Variants in PLCL1 observed in about 807,000 individuals in gnomAD.
PLCL1 encodes inactive phospholipase C-like protein 1.
A neutral mutation model predicts 84.4 loss-of-function variants in PLCL1; 41 were observed. The observed-to-expected ratio is 0.49, with a 90% CI of 0.38 to 0.63. PLCL1 has a LOEUF of 0.63. PLCL1 is among the 30% of genes least tolerant of loss of function. The pLI, the probability that PLCL1 is intolerant of heterozygous loss-of-function variation, is 0.00. For synonymous variants in PLCL1, 490 were observed against 488.3 expected (o/e 1.00, Z -0.05); for missense variants, 1,206 against 1,367.8 (o/e 0.88, Z 1.87).
At chr2:197,845,047 G>A (rs1447458725) in intron 1 of PLCL1, among the ~76,000 whole-genome samples, 1 of 152,106 alleles carries the variant, frequency 6.6e-6, no homozygotes, top group East Asian at 1.9e-4. Flanking sequence ...TTTTGGTGCT[G>A]TGTGTATAGG....
chr2:198,012,853 A>T (rs1487475462), intron 1 of PLCL1, among the ~76,000 whole-genome samples: 2 of 152,000 alleles, frequency 1.3e-5, no homozygotes, highest in African/African-American at 2.4e-5. Flanking sequence ...CATACCTTAC[A>T]TATATTCTAT....
At chr2:198,123,972 T>C (rs1407959775) in intron 5 of PLCL1, among the ~76,000 whole-genome samples, 1 of 152,098 alleles carries the variant, frequency 6.6e-6, no homozygotes, top group Non-Finnish European at 1.5e-5. Context: ...GACCCTGGCT[T>C]AAGCCACCCT....
intron 1 of PLCL1, among the ~76,000 whole-genome samples, chr2:198,077,647 C>T (rs565447200): frequency 2.6e-5 from 4 of 152,224 alleles, no homozygotes; most frequent in South Asian, 2.1e-4. Flanking sequence ...TATCCCTTTA[C>T]GGGTATAACT....
At chr2:198,143,483 CA>C (rs1226907220) in intron 5 of PLCL1, among the ~76,000 whole-genome samples, 8 of 152,056 alleles carry the variant, frequency 5.3e-5, no homozygotes, top group Non-Finnish European at 1.2e-4. Context: ...ATACACAGGA[CA>C]AAGACGTTTA....
At chr2:197,978,805 G>A (rs1220953599) in intron 1 of PLCL1, among the ~76,000 whole-genome samples, 2 of 152,180 alleles carry the variant, frequency 1.3e-5, no homozygotes, top group Admixed American at 6.5e-5. Flanking sequence ...CACTCACTCA[G>A]ACTGGCACCA....
chr2:197,889,444 A>AG (rs763507761), intron 1 of PLCL1, among the ~76,000 whole-genome samples: 23 of 152,304 alleles, frequency 1.5e-4, no homozygotes, highest in Non-Finnish European at 3.1e-4. Context: ...CCAAAAAAAA[A>AG]CAGGCTTTAA....
intron 1 of PLCL1, among the ~76,000 whole-genome samples, chr2:197,880,876 G>A (rs1022967319): frequency 1.2e-4 from 19 of 152,176 alleles, no homozygotes; most frequent in Admixed American, 5.2e-4. Context: ...ATTAGTGCCT[G>A]ACAATTTGCT....
chr2:197,975,800 C>T (rs374529840), intron 1 of PLCL1, among the ~76,000 whole-genome samples: 21 of 151,994 alleles, frequency 1.4e-4, no homozygotes, highest in African/African-American at 2.2e-4. Flanking sequence ...GGTAACACAG[C>T]GAGGCTCTTT....
chr2:198,026,118 T>C (rs1287273542), intron 1 of PLCL1, among the ~76,000 whole-genome samples: 1 of 152,208 alleles, frequency 6.6e-6, no homozygotes, highest in Non-Finnish European at 1.5e-5. Flanking sequence ...TGGTGGTGTA[T>C]GCATTGGTCT....
intron 1 of PLCL1, among the ~76,000 whole-genome samples, chr2:197,878,157 A>C (rs1383547306): frequency 6.6e-6 from 1 of 152,200 alleles, no homozygotes; most frequent in South Asian, 2.1e-4. Context: ...GTTGAGATGC[A>C]AAACTTTTAT....
chr2:197,927,769 A>C (rs1257847132), intron 1 of PLCL1, among the ~76,000 whole-genome samples: 2 of 152,212 alleles, frequency 1.3e-5, no homozygotes, highest in African/African-American at 4.8e-5. Flanking sequence ...TGAGATACTA[A>C]GATGAAATAA....
In PLCL1 at chr2:198,086,164, A is replaced by G; in HGVS notation, c.2647A>G (p.Ile883Val). The G allele has an allele frequency of 1.9e-6, 3 of 1,613,930 alleles. No individual in the cohort carries two copies. Among genetic ancestry groups the G allele is most frequent in the South Asian group, 1.1e-5 (1 of 91,072 alleles). Residue 883 changes from isoleucine to valine, a missense_variant, in exon 2 of 6, where the codon ATT (isoleucine) becomes GTT (valine). Ile to Val is a conservative substitution (Grantham distance 29). Transcript: ENST00000428675. ...GCTCAGGAATATCGGTCTTAAAACC[A>G]TTGATGACATCTTTAAAATAGCGGT... is the stretch of plus-strand genomic sequence containing the variant. Reference protein sequence around the residue: ...TMLRNIGLKTIDDIFKIAVHP... With the variant: ...TMLRNIGLKTVDDIFKIAVHP...
At chr2:197,860,239 G>C (rs1188671257) in intron 1 of PLCL1, among the ~76,000 whole-genome samples, 1 of 151,898 alleles carries the variant, frequency 6.6e-6, no homozygotes, top group African/African-American at 2.4e-5. Context: ...AGTATTTCTT[G>C]GTGGATATGT....
intron 1 of PLCL1, among the ~76,000 whole-genome samples, chr2:197,819,092 G>A (rs1490917549): frequency 6.6e-6 from 1 of 152,126 alleles, no homozygotes; most frequent in Non-Finnish European, 1.5e-5. Flanking sequence ...CCAGTGGTCA[G>A]TTCAGTGTTA....
intron 1 of PLCL1, among the ~76,000 whole-genome samples, chr2:198,080,225 A>G (rs1246604581): frequency 1.3e-5 from 2 of 152,248 alleles, no homozygotes; most frequent in African/African-American, 2.4e-5. Context: ...TACATACACA[A>G]CATAAAATTT....
intron 1 of PLCL1, among the ~76,000 whole-genome samples, chr2:198,047,611 T>C (rs1691837292): frequency 6.6e-6 from 1 of 152,168 alleles, no homozygotes; most frequent in South Asian, 2.1e-4. Context: ...TGAAAATCTG[T>C]CTTCAGGGAC....
At chr2:198,061,595 C>T (rs1240661717) in intron 1 of PLCL1, among the ~76,000 whole-genome samples, 6 of 103,812 alleles carry the variant, frequency 5.8e-5, no homozygotes, top group Non-Finnish European at 1.4e-4. Context: ...GCAAATGTAT[C>T]GTCATTATTA....
At chr2:198,026,846 A>C (rs1442956765) in intron 1 of PLCL1, among the ~76,000 whole-genome samples, 1 of 152,230 alleles carries the variant, frequency 6.6e-6, no homozygotes, top group Non-Finnish European at 1.5e-5. Context: ...AATGGCTAAT[A>C]TAGAAAATAC....
At chr2:198,110,846 G>A (rs578254849) in intron 5 of PLCL1, among the ~76,000 whole-genome samples, 2 of 151,694 alleles carry the variant, frequency 1.3e-5, no homozygotes, top group Non-Finnish European at 2.9e-5. Context: ...GGTGTCTCTG[G>A]CATCTGCCAG....
Sources: allele counts gnomAD v4.1 joint callset (sites outside exome capture counted in the v4.1 genomes callset), GRCh38; gene constraint gnomAD v4.1.1; transcripts MANE v1.5; gene names NCBI Gene and HGNC (gene_info 2026-07-23, HGNC 2026-07-21).